NDUFAF2: variants seen among roughly 807,000 people sequenced by gnomAD.
The protein encoded by NDUFAF2 is NADH:ubiquinone oxidoreductase complex assembly factor 2.
In NDUFAF2, 13 loss-of-function variants were observed where a neutral mutation model predicts 22.8. The ratio of observed to expected loss-of-function variants is 0.57; its 90% CI spans 0.37 to 0.91. The LOEUF (loss-of-function observed/expected upper bound fraction) is 0.91, where lower values mean the gene tolerates loss of function less well. Among genes scored for constraint, NDUFAF2 ranks in the 40% least tolerant of loss-of-function variants. NDUFAF2 has a pLI of 0.01. For synonymous variants in NDUFAF2, 53 were observed against 64.2 expected, an observed-to-expected ratio of 0.83 and a Z score of 0.84; for missense variants, 162 against 195.2, an observed-to-expected ratio of 0.83 and a Z score of 1.01.
intron 2 of NDUFAF2, among the ~76,000 whole-genome samples, chr5:61,078,595 G>A (rs1262620244): frequency 6.6e-6 from 1 of 152,126 alleles, no homozygotes; most frequent in Non-Finnish European, 1.5e-5. Flanking sequence ...CAAAAAATTA[G>A]CCAAGTGTGA....
chr5:60,948,760 T>C (rs1301942805), intron 1 of NDUFAF2, among the ~76,000 whole-genome samples: 1 of 152,210 alleles, frequency 6.6e-6, no homozygotes, highest in Non-Finnish European at 1.5e-5. Flanking sequence ...ATTATGAACA[T>C]TCATGTGTAA....
intron 1 of NDUFAF2, among the ~76,000 whole-genome samples, chr5:60,982,979 A>G (rs939995368): frequency 6.6e-6 from 1 of 151,840 alleles, no homozygotes; most frequent in East Asian, 2.0e-4. Context: ...CGCCACACTG[A>G]CTTCCACAAT....
chr5:61,115,031 G>T (rs976444014), intron 3 of NDUFAF2: 2 of 152,406 alleles, frequency 1.3e-5, no homozygotes, highest in Admixed American at 1.3e-4. Flanking sequence ...TGGATCTAGA[G>T]ATGCCAAGCA....
In NDUFAF2 at chr5:60,982,295, A is replaced by G. The variant is rs148121069; in HGVS notation, c.127+36913A>G. Among the ~76,000 whole-genome samples the G allele has an allele frequency of 3.4e-3, 525 of 152,250 alleles. 4 individuals are homozygous for G. The highest frequency in any genetic ancestry group is 0.012 in the African/African-American group (508 of 41,560). ...TCCACATGGCTGCAGAGGCCTCACA[A>G]TCATGGTGGAAGGCAAGGAGGAGCA... On this transcript the variant is annotated intron_variant, in intron 1 of 3. Coordinates refer to ENST00000296597, the MANE Select transcript of NDUFAF2 (RefSeq NM_174889.5).
At chr5:61,082,557 T>G (rs1752456184) in intron 2 of NDUFAF2, among the ~76,000 whole-genome samples, 2 of 152,270 alleles carry the variant, frequency 1.3e-5, no homozygotes. Flanking sequence ...GTTTCTGTTG[T>G]TCCCATTTTT....
intron 1 of NDUFAF2, among the ~76,000 whole-genome samples, chr5:61,070,954 A>G (rs1390616801): frequency 1.3e-5 from 2 of 152,178 alleles, no homozygotes; most frequent in Non-Finnish European, 2.9e-5. Context: ...CATTTTGGTA[A>G]TTAGATAAGG....
At chr5:61,076,212 A>G (rs926311724) in intron 2 of NDUFAF2, among the ~76,000 whole-genome samples, 2 of 152,118 alleles carry the variant, frequency 1.3e-5, no homozygotes, top group Non-Finnish European at 2.9e-5. Flanking sequence ...CTGGGACTAC[A>G]GGTGCCCGCC....
chr5:60,963,000 C>T (rs1750711852), intron 1 of NDUFAF2, among the ~76,000 whole-genome samples: 1 of 151,872 alleles, frequency 6.6e-6, no homozygotes, highest in Non-Finnish European at 1.5e-5. Context: ...ATTCTCCTGC[C>T]TCAGCTTCCC....
At chr5:61,038,088 A>AAGAG (rs138511749) in intron 1 of NDUFAF2, among the ~76,000 whole-genome samples, 24,902 of 77,520 alleles carry the variant, frequency 0.32, 4,135 homozygotes, top group East Asian at 0.66. Flanking sequence ...GAGGCGGGGG[A>AAGAG]AGAGAGAGAG....
chr5:61,151,730 G>C (rs527394121), intron 3 of NDUFAF2, among the ~76,000 whole-genome samples: 1 of 150,630 alleles, frequency 6.6e-6, no homozygotes, highest in African/African-American at 2.4e-5. Flanking sequence ...GTGAGCCGAG[G>C]TTGCGGTAAG....
intron 1 of NDUFAF2, among the ~76,000 whole-genome samples, chr5:60,945,627 C>A (rs1013303030): frequency 6.6e-6 from 1 of 152,236 alleles, no homozygotes; most frequent in Non-Finnish European, 1.5e-5. Flanking sequence ...CAGCGCCTTC[C>A]CCCGGCGTGC....
Position 61,132,260 on chromosome 5 carries a change from A to G in NDUFAF2, c.259-20444A>G, listed in dbSNP as rs116216458. Reference sequence around the variant, plus strand: ...TAGAACAGTACCTGGCTCAGAGTTCATGCTCAATAATATTGAGTGATTGTG... The same window carrying G: ...TAGAACAGTACCTGGCTCAGAGTTCGTGCTCAATAATATTGAGTGATTGTG... On this transcript the variant is annotated intron_variant, in intron 3 of 3. Coordinates refer to ENST00000296597, the MANE Select transcript of NDUFAF2 (RefSeq NM_174889.5). 4.8e-3 allele frequency among the ~76,000 whole-genome samples: 737 copies of G among 152,330 alleles called. 10 individuals are homozygous for G. The highest frequency in any genetic ancestry group is 0.017 in the African/African-American group (718 of 41,572).
intron 3 of NDUFAF2, among the ~76,000 whole-genome samples, chr5:61,100,433 C>G (rs1219963780): frequency 1.3e-5 from 2 of 152,076 alleles, no homozygotes; most frequent in African/African-American, 2.4e-5. Context: ...CCTGAGCTCA[C>G]TCTTGTTAAT....
chr5:61,144,758 C>G (rs2111829588), intron 3 of NDUFAF2, among the ~76,000 whole-genome samples: 1 of 152,282 alleles, frequency 6.6e-6, no homozygotes, highest in East Asian at 1.9e-4. Flanking sequence ...CAGCTCTTAG[C>G]CTTCCCTCAG....
intron 1 of NDUFAF2, 110 bp from the exon 2 acceptor site, chr5:61,073,015 T>A: frequency 1.4e-6 from 1 of 723,596 alleles, no homozygotes; most frequent in Non-Finnish European, 2.4e-6. Flanking sequence ...GTTTTCCTGT[T>A]AATTTAATTC....
At chr5:61,005,001 A>T (rs949837250) in intron 1 of NDUFAF2, among the ~76,000 whole-genome samples, 1 of 151,722 alleles carries the variant, frequency 6.6e-6, no homozygotes, top group African/African-American at 2.4e-5. Context: ...GGTTTGTTAC[A>T]TGTGTATACA....
intron 3 of NDUFAF2, among the ~76,000 whole-genome samples, chr5:61,136,039 A>ATATATATATC (rs1367597510): frequency 1.9e-5 from 2 of 103,426 alleles, no homozygotes; most frequent in African/African-American, 7.5e-5. Flanking sequence ...ATATATATAT[A>ATATATATATC]TATCTAGGGT....
At chr5:60,957,080 G>C (rs1282973587) in intron 1 of NDUFAF2, among the ~76,000 whole-genome samples, 1 of 152,018 alleles carries the variant, frequency 6.6e-6, no homozygotes, top group African/African-American at 2.4e-5. Flanking sequence ...TATACCTTTT[G>C]TGCTTCCTTT....
intron 1 of NDUFAF2, among the ~76,000 whole-genome samples, chr5:61,001,085 C>G (rs1172916101): frequency 2.0e-5 from 3 of 152,182 alleles, no homozygotes; most frequent in Non-Finnish European, 1.5e-5. Context: ...GATACTATTC[C>G]TGAAGGTTCT....
Sources: allele counts gnomAD v4.1 joint callset (sites outside exome capture counted in the v4.1 genomes callset), GRCh38; gene constraint gnomAD v4.1.1; transcripts MANE v1.5; gene names NCBI Gene and HGNC (gene_info 2026-07-23, HGNC 2026-07-21).